Variants in ST8SIA5 observed in about 807,000 individuals in gnomAD.
The protein encoded by ST8SIA5 is alpha-2,8-sialyltransferase 8E.
In ST8SIA5, 24 loss-of-function variants were observed where a neutral mutation model predicts 40.2. That is an observed-to-expected ratio of 0.60 (90% CI 0.43 to 0.84). The LOEUF (loss-of-function observed/expected upper bound fraction) is 0.84. Ranked by LOEUF, ST8SIA5 falls within the 40% of genes least tolerant of loss-of-function variation. The probability of loss-of-function intolerance (pLI) is 0.00; values close to 1 mark genes in which losing one functional copy is unlikely to be tolerated. For missense variants in ST8SIA5, 465 were observed against 498.5 expected (o/e 0.93, Z 0.64); for synonymous variants, 198 against 201.8 (o/e 0.98, Z 0.16).
rs2039334578 is a variant in ST8SIA5, at chr18:46,675,607, T to C, written c.*4435A>G. ...CTTAAGGCTTTGAATAGATGAGATT[T>C]CTGCAGGAATGCTCCTAGGAAGAGA... is the stretch of plus-strand genomic sequence containing the variant. On this transcript the variant is annotated 3_prime_UTR_variant, in exon 7 of 7. Transcript: ENST00000315087. 6.6e-6 allele frequency: 1 copy of C among 152,132 alleles called. No homozygotes were observed. Among genetic ancestry groups the C allele is most frequent in the Admixed American group, 6.5e-5 (1 of 15,270 alleles). 9.4% of individuals were successfully genotyped at this position (152,132 alleles called of 1,614,324 possible).
In ST8SIA5 at chr18:46,677,717, C is replaced by A. The variant is rs1015158111; in HGVS notation, c.*2325G>T. 2 of 152,202 alleles carry A rather than the reference C, an allele frequency of 1.3e-5. No homozygotes were observed. The highest frequency in any genetic ancestry group is 2.9e-5 in the Non-Finnish European group (2 of 68,052). The allele number at this position is 152,202 out of a possible 1,614,324, so 9.4% of individuals were successfully genotyped here. On this transcript the variant is annotated 3_prime_UTR_variant, in exon 7 of 7. Transcript: ENST00000315087. ...GATCCCGATGCTCCAATCCTCAGCT[C>A]CTACGAGGGCCCTGGCTGGGGCAGA...
rs1241162330 is a variant in ST8SIA5, at chr18:46,704,622, T to C, written c.174A>G (p.Thr58=). 5 of 1,614,026 alleles carry C rather than the reference T, an allele frequency of 3.1e-6. No homozygotes were observed. The East Asian group carries it at 1.1e-4, about 36-fold the overall frequency. ...TTTCGTGCCTCAGCTCCAGGCATCT[T>C]GTGGAGTTATATTCAAAAGGCCCCT... ...FYEGPFEYNS[T]RCLELRHEIL... Residue 58 remains threonine, a synonymous_variant, in exon 2 of 7, where the codon ACA becomes ACG. Transcript: ENST00000315087.
chr18:46,712,450 T>C (rs1012207850), intron 1 of ST8SIA5, among the ~76,000 whole-genome samples: 2 of 152,218 alleles, frequency 1.3e-5, no homozygotes, highest in African/African-American at 4.8e-5. Context: ...GGAGTCTCTC[T>C]GTCTGGAATA....
chr18:46,727,017 T>C (rs2039938570), intron 1 of ST8SIA5, among the ~76,000 whole-genome samples: 1 of 152,226 alleles, frequency 6.6e-6, no homozygotes, highest in Admixed American at 6.5e-5. Flanking sequence ...CTTCCTGGAC[T>C]CAGTCAGCCT....
intron 1 of ST8SIA5, among the ~76,000 whole-genome samples, chr18:46,719,623 G>A (rs1382574433): frequency 1.4e-5 from 2 of 141,584 alleles, no homozygotes; most frequent in African/African-American, 2.6e-5. Context: ...GCTTCCCAGG[G>A]GCCCGTCGGT....
chr18:46,752,189 T>C, intron 1 of ST8SIA5, among the ~76,000 whole-genome samples: 1 of 152,152 alleles, frequency 6.6e-6, no homozygotes. Flanking sequence ...TCATTCCCCT[T>C]TCTTGAAGAC....
At chr18:46,701,089 C>A (rs1043725449) in intron 2 of ST8SIA5, among the ~76,000 whole-genome samples, 2 of 149,326 alleles carry the variant, frequency 1.3e-5, no homozygotes, top group South Asian at 2.1e-4. Context: ...TAGGTCCTAA[C>A]CCCCAGGACC....
At chr18:46,714,041 C>T (rs1941980) in intron 1 of ST8SIA5, among the ~76,000 whole-genome samples, 22 of 152,290 alleles carry the variant, frequency 1.4e-4, no homozygotes, top group African/African-American at 5.3e-4. Context: ...AAAGGCAAGC[C>T]TAAGAGCCCC....
chr18:46,726,086 T>C (rs1272902497), intron 1 of ST8SIA5, among the ~76,000 whole-genome samples: 1 of 139,280 alleles, frequency 7.2e-6, no homozygotes, highest in Non-Finnish European at 1.5e-5. Context: ...CCCAGCTACT[T>C]GGGAGGCTGA....
chr18:46,710,413 T>TTCTTTCTCTTTCTTTCTG (rs1244310202), intron 1 of ST8SIA5, among the ~76,000 whole-genome samples: 1 of 127,506 alleles, frequency 7.8e-6, no homozygotes, highest in Non-Finnish European at 1.6e-5. Context: ...CTTTCTTTCT[T>TTCTTTCTCTTTCTTTCTG]TCTTTTTCTT....
chr18:46,687,080 AAG>A (rs1341325940), intron 4 of ST8SIA5, among the ~76,000 whole-genome samples: 2 of 152,246 alleles, frequency 1.3e-5, no homozygotes, highest in African/African-American at 4.8e-5. Flanking sequence ...ATTCAGGGAC[AAG>A]CGAACTACAT....
At chr18:46,704,506 A>T in intron 2 of ST8SIA5, 66 bp downstream of exon 2, 1 of 1,363,268 alleles carries the variant, frequency 7.3e-7, no homozygotes, top group Non-Finnish European at 1.0e-6. Context: ...GCCCCCACGC[A>T]CTCACCCCCA....
intron 3 of ST8SIA5, 51 bp from the exon 4 acceptor site, chr18:46,688,970 T>G (rs773984548): frequency 6.3e-7 from 1 of 1,578,038 alleles, no homozygotes; most frequent in South Asian, 1.2e-5. Flanking sequence ...AAAGATGTGA[T>G]GGAGGGCAGA....
intron 3 of ST8SIA5, among the ~76,000 whole-genome samples, chr18:46,690,421 T>C (rs1007022421): frequency 2.0e-5 from 3 of 152,106 alleles, no homozygotes; most frequent in African/African-American, 7.2e-5. Context: ...ACTTAGAGCA[T>C]GGCAAGGCCT....
At chr18:46,719,738 T>C (rs906403503) in intron 1 of ST8SIA5, among the ~76,000 whole-genome samples, 7 of 23,278 alleles carry the variant, frequency 3.0e-4, no homozygotes, top group Non-Finnish European at 7.1e-4. Context: ...CTCTCTTCTT[T>C]CCTTCCTTTC....
At chr18:46,707,469 T>A (rs114116543) in intron 1 of ST8SIA5, among the ~76,000 whole-genome samples, 35 of 152,324 alleles carry the variant, frequency 2.3e-4, no homozygotes, top group African/African-American at 7.2e-4. Flanking sequence ...CACAAAGGCA[T>A]TCCTGCCTTG....
intron 1 of ST8SIA5, among the ~76,000 whole-genome samples, chr18:46,717,158 G>A (rs930539192): frequency 1.8e-4 from 28 of 152,230 alleles, no homozygotes; most frequent in Non-Finnish European, 4.4e-5. Flanking sequence ...TCTCTGAGCA[G>A]TTGCTGGGCA....
chr18:46,712,242 G>A (rs1186825746), intron 1 of ST8SIA5, among the ~76,000 whole-genome samples: 1 of 152,176 alleles, frequency 6.6e-6, no homozygotes, highest in Non-Finnish European at 1.5e-5. Flanking sequence ...GTGTGTGAAT[G>A]CTAGCACTGG....
chr18:46,734,161 AC>A (rs150220495), intron 1 of ST8SIA5, among the ~76,000 whole-genome samples: 2,452 of 152,216 alleles, frequency 0.016, 23 homozygotes, highest in Non-Finnish European at 0.027. Context: ...GGGCGCAATG[AC>A]CAGGTTCTGC....
Sources: allele counts gnomAD v4.1 joint callset (sites outside exome capture counted in the v4.1 genomes callset), GRCh38; gene constraint gnomAD v4.1.1; transcripts MANE v1.5; gene names NCBI Gene and HGNC (gene_info 2026-07-23, HGNC 2026-07-21).